Variants in MAP4K5 observed in about 807,000 individuals in gnomAD.
MAP4K5 encodes the protein MAPK/ERK kinase kinase kinase 5.
In MAP4K5, 82 loss-of-function variants were observed where a neutral mutation model predicts 135.6. The observed-to-expected ratio is 0.60, with a 90% CI of 0.51 to 0.73. MAP4K5 has a LOEUF of 0.73. Ranked by LOEUF, MAP4K5 falls within the 30% of genes least tolerant of loss-of-function variation. The probability of loss-of-function intolerance (pLI) is 0.00; values close to 1 mark genes in which losing one functional copy is unlikely to be tolerated. For missense variants in MAP4K5, 907 were observed against 1,010.9 expected (o/e 0.90, Z 1.39); for synonymous variants, 347 against 335.0 (o/e 1.04, Z -0.39).
intron 2 of MAP4K5, among the ~76,000 whole-genome samples, chr14:50,520,659 C>A (rs2038130306): frequency 6.6e-6 from 1 of 152,084 alleles, no homozygotes. Context: ...ATTACAGAGC[C>A]TAGTTTATAG....
At position 50,434,477 on chromosome 14, in the gene MAP4K5, T is replaced by C; in HGVS notation, c.2081A>G (p.Lys694Arg). 1.2e-6 allele frequency: 2 copies of C among 1,608,930 alleles called. No individual in the cohort carries two copies. Among genetic ancestry groups the C allele is most frequent in the Non-Finnish European group, 1.7e-6 (2 of 1,177,542 alleles). Reference sequence around the variant, plus strand: ...AACTACCTGATTCGATTCAGTGCCTTTGCTAATAGCTACACAGACCATAGG... The same window carrying C: ...AACTACCTGATTCGATTCAGTGCCTCTGCTAATAGCTACACAGACCATAGG... Reference protein sequence around the residue: ...EYPMVCVAISKGTESNQVVQF... With the variant: ...EYPMVCVAISRGTESNQVVQF... The change falls in exon 28 of 33, where the codon AAA (lysine) becomes AGA (arginine). Residue 694 changes from lysine (K) to arginine (R), a missense_variant. Physicochemically the swap from Lys to Arg is conservative, Grantham distance 26. Coordinates refer to ENST00000682126, the MANE Select transcript of MAP4K5 (RefSeq NM_006575.6).
chr14:50,535,412 A>G (rs1425429518), upstream of MAP4K5, among the ~76,000 whole-genome samples: 1 of 152,260 alleles, frequency 6.6e-6, no homozygotes. Context: ...GAACATACAG[A>G]TTTAAGCAAT....
At chr14:50,483,262 T>C (rs1453303727) in intron 5 of MAP4K5, 1 of 152,212 alleles carries the variant, frequency 6.6e-6, no homozygotes, top group Non-Finnish European at 1.5e-5. Context: ...CGTGTCACTT[T>C]TGGCAACCAG....
chr14:50,476,138 A>T lies in MAP4K5; in HGVS notation c.459T>A (p.Asp153Glu), dbSNP rs1277320486. The T allele has an allele frequency of 6.7e-7, 1 of 1,485,602 alleles. No individual in the cohort carries two copies. The highest frequency in any genetic ancestry group is 9.0e-7 in the Non-Finnish European group (1 of 1,111,556). The allele number at this position is 1,485,602 out of a possible 1,614,324, so 92.0% of individuals were successfully genotyped here. Residue 153 changes from aspartate (D) to glutamate (E), a missense_variant, in exon 8 of 33, where the codon GAT (aspartate) becomes GAA (glutamate). Around this residue, in one of 3 missense-constraint regions of MAP4K5, gnomAD observed 21 missense variants for 44.2 expected, o/e 0.47. Transcript: ENST00000682126. ...TTTGAAATAACATACCTAATTTTAC[A>T]TCGCCATGGTCTGTCAATAAAATAT... ...GANILLTDHG[D>E]VKLADFGVAA...
In MAP4K5 at chr14:50,532,065, G is replaced by T. The variant is rs371475085; in HGVS notation, c.-16C>A. ...GGGCCTCCATCTTCACTTAGGGCCC[G>T]GCCCCCGCCAGCTCACCCCGCGGCT... On this transcript the variant is annotated 5_prime_UTR_variant, in exon 2 of 33. Transcript: ENST00000682126. 47 of 1,497,950 alleles carry T rather than the reference G, an allele frequency of 3.1e-5. No individual in the cohort carries two copies. Among genetic ancestry groups the T allele is most frequent in the Non-Finnish European group, 4.1e-5 (45 of 1,102,938 alleles). 92.8% of individuals were successfully genotyped at this position (1,497,950 alleles called of 1,614,324 possible). A position where few individuals can be genotyped will look rare whatever the true frequency, so the allele number is the denominator to read the frequency against.
chr14:50,509,712 C>T (rs1177962150), intron 2 of MAP4K5, among the ~76,000 whole-genome samples: 1 of 151,410 alleles, frequency 6.6e-6, no homozygotes, highest in Non-Finnish European at 1.5e-5. Flanking sequence ...CTTATTTTAA[C>T]TCACTTACGT....
chr14:50,546,744 GT>G (rs536539163), intron 1 of MAP4K5, among the ~76,000 whole-genome samples: 1 of 152,040 alleles, frequency 6.6e-6, no homozygotes, highest in Non-Finnish European at 1.5e-5. Flanking sequence ...TGTTTGTGTG[GT>G]TTTTTTGACA....
At chr14:50,457,369 TTGAG>T (rs1366156638) in intron 13 of MAP4K5, among the ~76,000 whole-genome samples, 5 of 152,058 alleles carry the variant, frequency 3.3e-5, no homozygotes, top group Non-Finnish European at 1.5e-5. Context: ...TACAGGGAGA[TTGAG>T]TAAGAATATT....
At chr14:50,560,207 C>T in intron 1 of MAP4K5, 1 of 1,605,294 alleles carries the variant, frequency 6.2e-7, no homozygotes, top group South Asian at 1.1e-5. Flanking sequence ...AACCTGCGGC[C>T]CCGGAGAAGG....
intron 1 of MAP4K5, among the ~76,000 whole-genome samples, chr14:50,545,833 GT>G (rs1566707420): frequency 1.3e-5 from 2 of 152,168 alleles, no homozygotes; most frequent in Non-Finnish European, 2.9e-5. Context: ...ACGCCAGCTG[GT>G]TACATATTAT....
intron 3 of MAP4K5, 103 bp downstream of exon 3, chr14:50,504,697 A>G (rs2037772904): frequency 3.8e-6 from 3 of 799,060 alleles, no homozygotes. Context: ...AAGATATTCT[A>G]CTGACCTGAT....
chr14:50,549,781 T>C (rs1250266365), intron 1 of MAP4K5, among the ~76,000 whole-genome samples: 2 of 152,174 alleles, frequency 1.3e-5, no homozygotes, highest in Non-Finnish European at 2.9e-5. Context: ...GAATGGCCTT[T>C]TAAAAACCCA....
intron 2 of MAP4K5, among the ~76,000 whole-genome samples, chr14:50,513,254 C>T (rs2037966457): frequency 6.6e-6 from 1 of 152,144 alleles, no homozygotes; most frequent in African/African-American, 2.4e-5. Flanking sequence ...AGTCAATTTA[C>T]TACTAAGGAA....
At chr14:50,468,211 C>CA (rs920498218) in intron 10 of MAP4K5, among the ~76,000 whole-genome samples, 4 of 149,456 alleles carry the variant, frequency 2.7e-5, no homozygotes, top group South Asian at 2.1e-4. Context: ...CCACATAGGA[C>CA]AAAAAAAAAG....
intron 6 of MAP4K5, among the ~76,000 whole-genome samples, chr14:50,482,061 A>G (rs761731570): frequency 5.9e-5 from 9 of 152,258 alleles, no homozygotes; most frequent in Admixed American, 6.5e-5. Context: ...GCCAAGTGCT[A>G]TAAAGGAGAA....
intron 31 of MAP4K5, among the ~76,000 whole-genome samples, chr14:50,424,299 A>T (rs1287590142): frequency 1.3e-5 from 2 of 152,004 alleles, no homozygotes; most frequent in Non-Finnish European, 2.9e-5. Flanking sequence ...TTAAGTTCAG[A>T]GATGTTCTAA....
intron 29 of MAP4K5, 25 bp downstream of exon 29, chr14:50,429,167 A>G: frequency 7.2e-7 from 1 of 1,381,068 alleles, no homozygotes; most frequent in Non-Finnish European, 9.9e-7. Context: ...AGTATACTCA[A>G]AATAAAATTA....
intron 6 of MAP4K5, among the ~76,000 whole-genome samples, chr14:50,481,748 C>A: frequency 6.6e-6 from 1 of 152,064 alleles, no homozygotes; most frequent in Admixed American, 6.5e-5. Context: ...CCCATTTTAG[C>A]ATACTAAAAG....
At chr14:50,548,710 C>T (rs1484465624) in intron 1 of MAP4K5, among the ~76,000 whole-genome samples, 2 of 152,054 alleles carry the variant, frequency 1.3e-5, no homozygotes, top group Non-Finnish European at 2.9e-5. Context: ...CAGGGTTTCA[C>T]TGTGTTAGCC....
Sources: allele counts gnomAD v4.1 joint callset (sites outside exome capture counted in the v4.1 genomes callset), GRCh38; gene constraint gnomAD v4.1.1; regional missense constraint gnomAD v4.1.1; transcripts MANE v1.5; gene names NCBI Gene and HGNC (gene_info 2026-07-23, HGNC 2026-07-21).